Variants in GNA14 observed in about 807,000 individuals in gnomAD.
The protein encoded by GNA14 is guanine nucleotide-binding protein subunit alpha-14.
A neutral mutation model predicts 42.0 loss-of-function variants in GNA14; 50 were observed. The observed-to-expected ratio is 1.19, with a 90% confidence interval of 0.95 to 1.51. GNA14 has a LOEUF of 1.51. GNA14 is among the 40% of genes most tolerant of loss of function. The pLI is 0.00. For synonymous variants in GNA14, 173 were observed against 163.1 expected (o/e 1.06, Z -0.46); for missense variants, 473 against 446.2 (o/e 1.06, Z -0.54).
At chr9:77,485,807 A>G (rs969154160) in intron 2 of GNA14, among the ~76,000 whole-genome samples, 5 of 152,140 alleles carry the variant, frequency 3.3e-5, no homozygotes, top group African/African-American at 1.2e-4. Flanking sequence ...TTTTTTGCTA[A>G]GCAGTAGGTC....
chr9:77,514,139 T>C (rs78367558), intron 2 of GNA14, among the ~76,000 whole-genome samples: 6,957 of 152,288 alleles, frequency 0.046, 505 homozygotes, highest in African/African-American at 0.16. Flanking sequence ...GCCAGGCTTT[T>C]TGGTTATCTT....
chr9:77,507,669 G>A (rs573793210), intron 2 of GNA14, among the ~76,000 whole-genome samples: 1 of 152,004 alleles, frequency 6.6e-6, no homozygotes, highest in South Asian at 2.1e-4. Context: ...TGTTTTTAAC[G>A]GCTCCTCTTT....
chr9:77,552,790 A>G (rs1837801018), intron 1 of GNA14, among the ~76,000 whole-genome samples: 1 of 152,182 alleles, frequency 6.6e-6, no homozygotes, highest in African/African-American at 2.4e-5. Flanking sequence ...TTGGGTTCTT[A>G]TAGCCAAATA....
intron 2 of GNA14, among the ~76,000 whole-genome samples, chr9:77,513,045 T>C (rs535228363): frequency 6.6e-6 from 1 of 152,238 alleles, no homozygotes; most frequent in Non-Finnish European, 1.5e-5. Flanking sequence ...CTAGTTTCTT[T>C]GATGGCATGA....
chr9:77,557,600 G>A (rs895748252), intron 1 of GNA14, among the ~76,000 whole-genome samples: 43 of 152,116 alleles, frequency 2.8e-4, no homozygotes, highest in African/African-American at 9.2e-4. Flanking sequence ...ACAAAAATAT[G>A]ATAGAAAAAC....
intron 2 of GNA14, among the ~76,000 whole-genome samples, chr9:77,468,787 C>T (rs995437933): frequency 4.6e-5 from 7 of 152,316 alleles, no homozygotes; most frequent in Admixed American, 1.3e-4. Context: ...AGGTCCTGCA[C>T]GGTAACTGTG....
intron 1 of GNA14, among the ~76,000 whole-genome samples, chr9:77,577,531 G>GTCCT (rs1487645399): frequency 6.6e-6 from 1 of 152,188 alleles, no homozygotes; most frequent in Non-Finnish European, 1.5e-5. Context: ...GGGTGGGGCA[G>GTCCT]CCCTCCCTCT....
At chr9:77,424,354 C>G (rs1230935704) in intron 6 of GNA14, among the ~76,000 whole-genome samples, 185 bp from the exon 7 acceptor site, 1 of 152,322 alleles carries the variant, frequency 6.6e-6, no homozygotes, top group South Asian at 2.1e-4. Context: ...TCCCAAGTAG[C>G]TGGGATTACA....
At chr9:77,628,286 C>A (rs1231903250) in intron 1 of GNA14, among the ~76,000 whole-genome samples, 1 of 151,786 alleles carries the variant, frequency 6.6e-6, no homozygotes, top group African/African-American at 2.4e-5. Flanking sequence ...CGGATAGAAC[C>A]AATAATGTGA....
intron 2 of GNA14, among the ~76,000 whole-genome samples, chr9:77,455,112 G>A (rs900119184): frequency 1.3e-5 from 2 of 152,198 alleles, no homozygotes; most frequent in East Asian, 1.9e-4. Flanking sequence ...TTTGCTGGCT[G>A]TGCTCTCATC....
intron 2 of GNA14, among the ~76,000 whole-genome samples, chr9:77,486,184 C>CAG (rs1365221448): frequency 1.3e-5 from 2 of 152,222 alleles, no homozygotes; most frequent in African/African-American, 4.8e-5. Context: ...TAACTTGCTG[C>CAG]AGCTTCTCCA....
intron 2 of GNA14, among the ~76,000 whole-genome samples, chr9:77,471,738 A>G (rs1255029438): frequency 6.6e-6 from 1 of 152,182 alleles, no homozygotes; most frequent in Admixed American, 6.5e-5. Flanking sequence ...CACTCACTAC[A>G]GTCATGCAGG....
At chr9:77,425,472 G>A (rs2131685099) in intron 6 of GNA14, 90 bp downstream of exon 6, 1 of 867,836 alleles carries the variant, frequency 1.2e-6, no homozygotes, top group Non-Finnish European at 1.8e-6. Flanking sequence ...AGACCAGGGA[G>A]GCCCCTTTGA....
At chr9:77,451,118 A>G (rs748806906) in intron 2 of GNA14, among the ~76,000 whole-genome samples, 4 of 152,134 alleles carry the variant, frequency 2.6e-5, no homozygotes, top group Non-Finnish European at 5.9e-5. Flanking sequence ...TGACGGCCCT[A>G]TGGGGAACAT....
At chr9:77,522,428 C>G (rs1837372035) in intron 2 of GNA14, among the ~76,000 whole-genome samples, 1 of 152,204 alleles carries the variant, frequency 6.6e-6, no homozygotes, top group Non-Finnish European at 1.5e-5. Context: ...CAAGGCTAAT[C>G]TAACCAAGGC....
chr9:77,451,039 G>C (rs926035111), intron 2 of GNA14, among the ~76,000 whole-genome samples: 6 of 152,098 alleles, frequency 3.9e-5, no homozygotes, highest in Admixed American at 3.3e-4. Context: ...ACCCAGTCTT[G>C]GGTTTGTCCT....
chr9:77,434,235 T>C, intron 3 of GNA14, 133 bp downstream of exon 3: 1 of 764,562 alleles, frequency 1.3e-6, no homozygotes, highest in South Asian at 1.8e-5. Flanking sequence ...TCAGGAGGGA[T>C]ATGGGAAAGC....
intron 2 of GNA14, among the ~76,000 whole-genome samples, chr9:77,498,250 G>A (rs891300290): frequency 6.6e-6 from 1 of 151,824 alleles, no homozygotes; most frequent in African/African-American, 2.4e-5. Flanking sequence ...GTGCAGGCCT[G>A]TAATCCCAGC....
At chr9:77,603,619 C>A (rs1823601459) in intron 1 of GNA14, among the ~76,000 whole-genome samples, 1 of 151,960 alleles carries the variant, frequency 6.6e-6, no homozygotes, top group Admixed American at 6.6e-5. Context: ...ATCAGAAATT[C>A]TTAAACTGAG....
Sources: allele counts gnomAD v4.1 joint callset (sites outside exome capture counted in the v4.1 genomes callset), GRCh38; gene constraint gnomAD v4.1.1; transcripts MANE v1.5; gene names NCBI Gene and HGNC (gene_info 2026-07-23, HGNC 2026-07-21).